CUBN: variants seen among roughly 807,000 people sequenced by gnomAD.
CUBN encodes 460 kDa receptor.
In CUBN, 282 loss-of-function variants were observed where a neutral mutation model predicts 405.3. The observed-to-expected ratio is 0.70, with a 90% CI of 0.63 to 0.77. The LOEUF (loss-of-function observed/expected upper bound fraction) is 0.77, where lower values mean the gene tolerates loss of function less well. Ranked by LOEUF, CUBN falls within the 30% of genes least tolerant of loss-of-function variation. The pLI is 0.00. For synonymous variants in CUBN, 1,684 were observed against 1,617.0 expected, an observed-to-expected ratio of 1.04 and a Z score of -0.99; for missense variants, 4,514 against 4,475.2, an observed-to-expected ratio of 1.01 and a Z score of -0.25.
At chr10:16,914,962 A>T in intron 47 of CUBN, 70 bp downstream of exon 47, 2 of 1,351,484 alleles carry the variant, frequency 1.5e-6, no homozygotes, top group Non-Finnish European at 1.1e-6. Flanking sequence ...ATATTTTAAC[A>T]CTGGTGCCTA....
chr10:17,066,077 C>T (rs542049596), intron 21 of CUBN, among the ~76,000 whole-genome samples: 86 of 152,252 alleles, frequency 5.6e-4, no homozygotes, highest in Non-Finnish European at 1.1e-3. Flanking sequence ...GATGACAGTA[C>T]CTACTTCATA....
intron 27 of CUBN, among the ~76,000 whole-genome samples, chr10:17,039,041 A>C (rs1476276729): frequency 6.6e-6 from 1 of 152,006 alleles, no homozygotes. Flanking sequence ...AGTCGAAAGA[A>C]ATGGAGTTCA....
At chr10:16,919,808 C>T (rs941035087) in intron 44 of CUBN, among the ~76,000 whole-genome samples, 155 bp downstream of exon 44, 3 of 152,118 alleles carry the variant, frequency 2.0e-5, no homozygotes, top group Non-Finnish European at 4.4e-5. Context: ...AGTGGCTGGC[C>T]GACTGTGTTT....
At chr10:16,885,183 T>C (rs930143003) in intron 56 of CUBN, among the ~76,000 whole-genome samples, 5 of 152,186 alleles carry the variant, frequency 3.3e-5, no homozygotes, top group African/African-American at 1.2e-4. Flanking sequence ...AGAAGCTAAT[T>C]ATAAAATAAA....
intron 19 of CUBN, among the ~76,000 whole-genome samples, chr10:17,069,826 G>A (rs1835698045): frequency 6.6e-6 from 1 of 152,206 alleles, no homozygotes; most frequent in Non-Finnish European, 1.5e-5. Context: ...TGAGGTGTGA[G>A]CCACTGTGCT....
chr10:16,984,067 G>A (rs373783472), intron 30 of CUBN, 38 bp downstream of exon 30: 22 of 1,608,886 alleles, frequency 1.4e-5, no homozygotes, highest in Non-Finnish European at 1.8e-5. Flanking sequence ...ACGAGGGCTC[G>A]GCTTAAGTAC....
At chr10:17,101,717 A>G (rs1256141450) in intron 13 of CUBN, among the ~76,000 whole-genome samples, 1 of 152,142 alleles carries the variant, frequency 6.6e-6, no homozygotes, top group Admixed American at 6.5e-5. Context: ...TAATTTGAAG[A>G]GCGTTCACGG....
intron 43 of CUBN, among the ~76,000 whole-genome samples, 152 bp downstream of exon 43, chr10:16,925,088 GA>G (rs1209374219): frequency 1.3e-5 from 2 of 152,106 alleles, no homozygotes; most frequent in African/African-American, 4.8e-5. Flanking sequence ...AAGTAGTCAC[GA>G]TGAGATATTG....
chr10:16,926,809 TTCTATCTATCTA>T (rs72523233), intron 41 of CUBN, among the ~76,000 whole-genome samples: 10 of 41,702 alleles, frequency 2.4e-4, no homozygotes, highest in East Asian at 2.3e-3. Context: ...AAATTTTTTT[TTCTATCTATCTA>T]TCTATCTATC....
At chr10:16,906,152 A>G (rs1841547290) in intron 50 of CUBN, 51 bp downstream of exon 50, 1 of 1,400,308 alleles carries the variant, frequency 7.1e-7, no homozygotes, top group Non-Finnish European at 1.0e-6. Context: ...CAAAAAAGAT[A>G]AAAAGAATAT....
At chr10:16,836,122 A>T in intron 63 of CUBN, 113 bp downstream of exon 63, 1 of 1,097,694 alleles carries the variant, frequency 9.1e-7, no homozygotes, top group Non-Finnish European at 1.4e-6. Flanking sequence ...GGTTTTTGTT[A>T]ACAAATCCTA....
chr10:16,984,279 T>A lies in CUBN; in HGVS notation c.4351A>T (p.Ile1451Phe), dbSNP rs1371300432. ...HSRCNFDVLE[I>F]YGGPDFHSPR... is the part of the protein sequence containing the mutation. Reference sequence around the variant, plus strand: ...GAGTGGAAATCGGGGCCTCCATAGATCTAACATGGGATGTAGGAAAAAAGA... The same window carrying A: ...GAGTGGAAATCGGGGCCTCCATAGAACTAACATGGGATGTAGGAAAAAAGA... The change falls in exon 30 of 67, where the codon ATC becomes TTC. Residue 1451 changes from isoleucine to phenylalanine, a missense_variant and splice_region_variant. Ile to Phe is a conservative substitution (Grantham distance 21, BLOSUM62 0). Coordinates refer to ENST00000377833, the MANE Select transcript of CUBN (RefSeq NM_001081.4). 6.2e-7 allele frequency: 1 copy of A among 1,613,770 alleles called. No individual in the cohort carries two copies. The highest frequency in any genetic ancestry group is 1.3e-5 in the African/African-American group (1 of 74,892).
chr10:17,024,422 A>AC (rs1174257072), intron 27 of CUBN, among the ~76,000 whole-genome samples: 2 of 152,218 alleles, frequency 1.3e-5, no homozygotes, highest in Non-Finnish European at 2.9e-5. Context: ...ATGGCTAAAA[A>AC]TTTAAAACTG....
rs560432347 is a variant in CUBN, at chr10:16,840,925, T to C, written c.9786A>G (p.Leu3262=). Residue 3262 remains leucine, a synonymous_variant, in exon 61 of 67, where the codon TTA becomes TTG. Coordinates refer to ENST00000377833, the MANE Select transcript of CUBN (RefSeq NM_001081.4). ...ATGTAGCATTAAATCCTTCCCTCTCTAATGTTAAGTCACTGATGAATTGAA... is the reference window on the plus strand; with the variant it reads ...ATGTAGCATTAAATCCTTCCCTCTCCAATGTTAAGTCACTGATGAATTGAA... ...LTVQFISDLT[L]EREGFNATYT... 4 of 1,613,448 alleles carry C rather than the reference T, an allele frequency of 2.5e-6. No individual in the cohort carries two copies. In the Admixed American group the frequency reaches 5.0e-5, roughly 20 times the overall value.
At chr10:16,937,016 C>A (rs1842527976) in intron 39 of CUBN, among the ~76,000 whole-genome samples, 1 of 152,134 alleles carries the variant, frequency 6.6e-6, no homozygotes, top group South Asian at 2.1e-4. Flanking sequence ...CGCACCCGGT[C>A]TCATTTAAAA....
In CUBN at chr10:16,824,948, G is replaced by C; in HGVS notation, c.*27C>G. The C allele has an allele frequency of 6.6e-7, 1 of 1,523,020 alleles. No individual in the cohort carries two copies. Among genetic ancestry groups the C allele is most frequent in the East Asian group, 2.3e-5 (1 of 44,414 alleles). The allele number at this position is 1,523,020 out of a possible 1,614,324, so 94.3% of individuals were successfully genotyped here. A position where few individuals can be genotyped will look rare whatever the true frequency, so the allele number is the denominator to read the frequency against. The stretch of plus-strand genomic sequence containing the variant: ...GTCCAGCGTGCTGCAGAGGGAAAGT[G>C]CTGAGTGAACACGAGTTGTTACCCA... On this transcript the variant is annotated 3_prime_UTR_variant, in exon 67 of 67. Transcript: ENST00000377833.
chr10:16,834,061 G>A (rs1201020258), intron 64 of CUBN, among the ~76,000 whole-genome samples: 4 of 152,130 alleles, frequency 2.6e-5, no homozygotes, highest in Non-Finnish European at 4.4e-5. Flanking sequence ...TTGGTTTTTA[G>A]GTTCCACCTA....
intron 36 of CUBN, 133 bp from the exon 37 acceptor site, chr10:16,940,370 C>T (rs746996481): frequency 9.2e-5 from 80 of 872,580 alleles, no homozygotes; most frequent in Admixed American, 5.6e-4. Flanking sequence ...CATTATTTGG[C>T]TGTCTCAAAA....
At chr10:17,115,030 G>C (rs950106625) in intron 7 of CUBN, among the ~76,000 whole-genome samples, 1 of 152,080 alleles carries the variant, frequency 6.6e-6, no homozygotes, top group Non-Finnish European at 1.5e-5. Flanking sequence ...GATCACCTGA[G>C]GTCAGGAGTT....
Sources: gnomAD v4.1 joint callset for allele counts (sites outside exome capture counted in the v4.1 genomes callset) on GRCh38, gnomAD v4.1.1 for gene constraint, MANE v1.5 for transcripts, NCBI Gene and HGNC (gene_info 2026-07-23, HGNC 2026-07-21) for gene names.